The following URGCP variants were observed in gnomAD, a reference collection of about 807,000 sequenced individuals.
The protein encoded by URGCP is up-regulator of cell proliferation.
URGCP carries 13 observed loss-of-function variants against 24.6 expected under a neutral mutation model. That is an observed-to-expected ratio of 0.53 (90% confidence interval 0.34 to 0.84). URGCP has a LOEUF of 0.84. URGCP is among the 40% of genes least tolerant of loss of function. The probability of loss-of-function intolerance (pLI) is 0.01; values close to 1 mark genes in which losing one functional copy is unlikely to be tolerated. For missense variants in URGCP, 899 were observed against 1,194.3 expected, an observed-to-expected ratio of 0.75 and a Z score of 3.64; for synonymous variants, 444 against 487.2, an observed-to-expected ratio of 0.91 and a Z score of 1.17.
Position 43,876,398 on chromosome 7 carries a change from T to C in URGCP, c.*269A>G. The C allele has an allele frequency of 2.1e-6, 1 of 474,306 alleles. No individual in the cohort carries two copies. Among genetic ancestry groups the C allele is most frequent in the Non-Finnish European group, 3.8e-6 (1 of 263,052 alleles). The allele number at this position is 474,306 out of a possible 1,614,324, so 29.4% of individuals were successfully genotyped here. On this transcript the variant is annotated 3_prime_UTR_variant, in exon 6 of 6. Transcript: ENST00000453200. ...ACAGAGGGCCCACCCCGCAGGATCCTTGACAGGAGCTGAGACAGAACAAAC... is the reference window on the plus strand; with the variant it reads ...ACAGAGGGCCCACCCCGCAGGATCCCTGACAGGAGCTGAGACAGAACAAAC...
intron 1 of URGCP, among the ~76,000 whole-genome samples, chr7:43,912,919 CA>C (rs1444504287): frequency 6.6e-6 from 1 of 151,876 alleles, no homozygotes; most frequent in African/African-American, 2.4e-5. Flanking sequence ...GGCATGATCT[CA>C]GCTCACTGCA....
At chr7:43,896,496 G>A (rs897595004) in intron 1 of URGCP, among the ~76,000 whole-genome samples, 2 of 151,916 alleles carry the variant, frequency 1.3e-5, no homozygotes, top group Non-Finnish European at 2.9e-5. Context: ...AGTTAGGTAG[G>A]AGAATGGGAT....
intron 1 of URGCP, among the ~76,000 whole-genome samples, chr7:43,902,273 C>T (rs998656171): frequency 1.3e-5 from 2 of 152,146 alleles, no homozygotes; most frequent in Non-Finnish European, 2.9e-5. Context: ...TTGGGTTTGT[C>T]GTCCAGTGAT....
intron 3 of URGCP, among the ~76,000 whole-genome samples, chr7:43,883,571 C>T (rs1002169906): frequency 2.0e-5 from 3 of 151,594 alleles, no homozygotes; most frequent in Admixed American, 6.6e-5. Context: ...CCGTGTTAGC[C>T]AGGATGGTCT....
Position 43,906,548 on chromosome 7 carries a change from G to T in URGCP, c.14+14C>A, listed in dbSNP as rs918381863. On this transcript the variant is annotated intron_variant, in intron 1 of 5. Coordinates refer to ENST00000453200, the MANE Select transcript of URGCP (RefSeq NM_001077663.3). ...GCAGCCGCGGGGGCGCAGGGCCTGC[G>T]AGGCGGCACTCACCCGGGCGACGCC... is the stretch of plus-strand genomic sequence containing the variant. 8.7e-5 allele frequency: 108 copies of T among 1,235,078 alleles called. No individual in the cohort carries two copies. The highest frequency in any genetic ancestry group is 1.0e-4 in the Non-Finnish European group (102 of 980,686). The allele number at this position is 1,235,078 out of a possible 1,614,324, so 76.5% of individuals were successfully genotyped here. A position where few individuals can be genotyped will look rare whatever the true frequency, so the allele number is the denominator to read the frequency against.
intron 1 of URGCP, among the ~76,000 whole-genome samples, chr7:43,924,334 T>A (rs750593551): frequency 6.6e-6 from 1 of 152,238 alleles, no homozygotes; most frequent in Non-Finnish European, 1.5e-5. Context: ...GTTTTTTTCC[T>A]GAATTATACA....
At chr7:43,909,088 T>C (rs1445614184), upstream of URGCP, among the ~76,000 whole-genome samples, 1 of 152,202 alleles carries the variant, frequency 6.6e-6, no homozygotes, top group African/African-American at 2.4e-5. Flanking sequence ...TCAATGATTA[T>C]TTCCTTATGC....
At chr7:43,920,485 C>T (rs1424921382) in intron 1 of URGCP, among the ~76,000 whole-genome samples, 1 of 152,194 alleles carries the variant, frequency 6.6e-6, no homozygotes, top group Non-Finnish European at 1.5e-5. Context: ...ATTGCTTGAA[C>T]CTGGGAGGCG....
At chr7:43,897,781 G>A (rs1344334228) in intron 1 of URGCP, among the ~76,000 whole-genome samples, 3 of 151,958 alleles carry the variant, frequency 2.0e-5, no homozygotes, top group African/African-American at 7.3e-5. Context: ...AACAACAAAG[G>A]CTCAGACCTG....
chr7:43,912,076 T>C (rs922936259), intron 1 of URGCP, among the ~76,000 whole-genome samples: 7 of 152,200 alleles, frequency 4.6e-5, no homozygotes, highest in Non-Finnish European at 1.5e-5. Context: ...GGGCAATTTA[T>C]ACTTTAATGC....
chr7:43,881,540 T>C (rs2095853885), intron 5 of URGCP, 119 bp downstream of exon 5: 1 of 1,074,948 alleles, frequency 9.3e-7, no homozygotes, highest in African/African-American at 1.6e-5. Flanking sequence ...AAGTAGGGCA[T>C]CCTAAACCTG....
intron 1 of URGCP, chr7:43,919,555 G>A: frequency 7.1e-7 from 1 of 1,406,434 alleles, no homozygotes; most frequent in Non-Finnish European, 1.0e-6. Flanking sequence ...GCCAGCGTGA[G>A]GAAGACCATG....
At chr7:43,885,013 G>A (rs757863137) in intron 3 of URGCP, among the ~76,000 whole-genome samples, 2 of 152,014 alleles carry the variant, frequency 1.3e-5, no homozygotes, top group Non-Finnish European at 2.9e-5. Context: ...TCAGCTTCTC[G>A]ATCTGGTTTC....
chr7:43,877,698 G>A lies in URGCP; in HGVS notation c.1765C>T (p.Leu589Phe). 1.2e-6 allele frequency: 2 copies of A among 1,613,742 alleles called. No homozygotes were observed. Among genetic ancestry groups the A allele is most frequent in the Non-Finnish European group, 1.7e-6 (2 of 1,179,964 alleles). ...QPRLRQPPETLLTLRPKHGGT... is the reference protein window; with the variant it reads ...QPRLRQPPETFLTLRPKHGGT... ...CCATGCTTTGGTCTCAGGGTGAGAA[G>A]CGTCTCCGGAGGCTGTCTCAGTCGC... Residue 589 changes from leucine (L) to phenylalanine (F), a missense_variant, in exon 6 of 6, where the codon CTT (leucine) becomes TTT (phenylalanine). By Grantham distance (22) the Leu-to-Phe change is conservative. Transcript: ENST00000453200.
chr7:43,883,321 AATATATATATATATACATATATATAT>A (rs1233416244), intron 3 of URGCP, among the ~76,000 whole-genome samples: 4 of 134,590 alleles, frequency 3.0e-5, no homozygotes, highest in South Asian at 4.6e-4. Context: ...TATATATATA[AATATATATATATATACATATATATAT>A]ATATATATAT....
At chr7:43,902,721 C>A (rs1416721307) in intron 1 of URGCP, among the ~76,000 whole-genome samples, 1 of 152,180 alleles carries the variant, frequency 6.6e-6, no homozygotes, top group Non-Finnish European at 1.5e-5. Flanking sequence ...ATGATGTCAT[C>A]ATGTGTTGGG....
chr7:43,926,644 G>A, upstream of URGCP: 1 of 1,403,656 alleles, frequency 7.1e-7, no homozygotes, highest in Non-Finnish European at 9.5e-7. Context: ...GAAAGGTGAC[G>A]GAGGCTCCGC....
chr7:43,916,929 T>A (rs1458902905), intron 1 of URGCP, among the ~76,000 whole-genome samples: 1 of 152,146 alleles, frequency 6.6e-6, no homozygotes, highest in Non-Finnish European at 1.5e-5. Context: ...TTCAAATGCA[T>A]CCTGAGTCCT....
intron 1 of URGCP, among the ~76,000 whole-genome samples, chr7:43,925,845 T>C (rs998830018): frequency 2.0e-5 from 3 of 147,914 alleles, no homozygotes; most frequent in African/African-American, 7.4e-5. Context: ...ACCTATTAAA[T>C]TGATTTCGTG....
Sources: gnomAD v4.1 joint callset for allele counts (sites outside exome capture counted in the v4.1 genomes callset) on GRCh38, gnomAD v4.1.1 for gene constraint, MANE v1.5 for transcripts, NCBI Gene and HGNC (gene_info 2026-07-23, HGNC 2026-07-21) for gene names.